The following ATE1 variants were observed in gnomAD, a reference collection of about 807,000 sequenced individuals.
ATE1 encodes the protein arginyl-tRNA--protein transferase 1.
Under a neutral mutation model 70.5 loss-of-function variants are expected in ATE1, and 36 were observed. The ratio of observed to expected loss-of-function variants is 0.51; its 90% CI spans 0.39 to 0.67. The LOEUF is 0.67. ATE1 is among the 30% of genes least tolerant of loss of function. ATE1 has a pLI of 0.00. For synonymous variants in ATE1, 232 were observed against 219.3 expected (o/e 1.06, Z -0.51); for missense variants, 593 against 629.5 (o/e 0.94, Z 0.62).
intron 11 of ATE1, among the ~76,000 whole-genome samples, chr10:121,751,527 C>CT (rs1944579962): frequency 1.3e-5 from 2 of 152,202 alleles, no homozygotes; most frequent in South Asian, 4.1e-4. Flanking sequence ...ATAGCAGTAT[C>CT]TTTTTGTGAT....
intron 11 of ATE1, among the ~76,000 whole-genome samples, chr10:121,773,486 T>C (rs895604039): frequency 2.0e-5 from 3 of 152,226 alleles, no homozygotes; most frequent in African/African-American, 7.2e-5. Flanking sequence ...TAACAGAGTT[T>C]GACACAGAAA....
At chr10:121,926,035 C>T (rs1201548947) in intron 1 of ATE1, among the ~76,000 whole-genome samples, 1 of 152,022 alleles carries the variant, frequency 6.6e-6, no homozygotes, top group East Asian at 1.9e-4. Flanking sequence ...GGTGAAACCC[C>T]GTCTCTACTA....
chr10:121,853,034 T>A (rs1037046273), intron 8 of ATE1, among the ~76,000 whole-genome samples: 22 of 152,274 alleles, frequency 1.4e-4, no homozygotes, highest in South Asian at 8.3e-4. Context: ...CTATTTTCTG[T>A]ATTTTTCAAT....
intron 10 of ATE1, among the ~76,000 whole-genome samples, chr10:121,817,270 G>A (rs1947581568): frequency 6.6e-6 from 1 of 152,252 alleles, no homozygotes; most frequent in Non-Finnish European, 1.5e-5. Context: ...GCCGGGCACA[G>A]CGGCTCACGC....
intron 7 of ATE1, among the ~76,000 whole-genome samples, chr10:121,876,097 CT>C (rs1034979087): frequency 2.0e-5 from 3 of 152,184 alleles, no homozygotes; most frequent in African/African-American, 4.8e-5. Context: ...ATTATTCGCC[CT>C]TTTTTTCCCC....
chr10:121,883,519 A>G (rs1950288099), intron 7 of ATE1, among the ~76,000 whole-genome samples: 1 of 152,230 alleles, frequency 6.6e-6, no homozygotes, highest in African/African-American at 2.4e-5. Flanking sequence ...AGCCCATGGC[A>G]CACTGAAATA....
intron 9 of ATE1, among the ~76,000 whole-genome samples, chr10:121,840,355 G>A (rs1948583658): frequency 6.6e-6 from 1 of 152,118 alleles, no homozygotes; most frequent in Non-Finnish European, 1.5e-5. Flanking sequence ...ATATAAAGCT[G>A]AATGCAGTAG....
At chr10:121,875,803 T>C (rs1186452272) in intron 7 of ATE1, among the ~76,000 whole-genome samples, 1 of 152,218 alleles carries the variant, frequency 6.6e-6, no homozygotes, top group Non-Finnish European at 1.5e-5. Flanking sequence ...CACTGATATA[T>C]TAAAGGCTTT....
At chr10:121,808,648 T>G (rs995474411) in intron 10 of ATE1, among the ~76,000 whole-genome samples, 1 of 152,230 alleles carries the variant, frequency 6.6e-6, no homozygotes, top group African/African-American at 2.4e-5. Context: ...GAATAATTTA[T>G]AGCAAAAGCC....
chr10:121,798,429 AAG>A (rs551802829), intron 10 of ATE1, among the ~76,000 whole-genome samples: 134 of 152,364 alleles, frequency 8.8e-4, no homozygotes, highest in African/African-American at 2.8e-3. Flanking sequence ...CACTTTAAAA[AAG>A]AGAAGGAAAG....
intron 9 of ATE1, among the ~76,000 whole-genome samples, chr10:121,839,918 AT>A (rs1195515816): frequency 1.3e-5 from 2 of 152,218 alleles, no homozygotes; most frequent in Non-Finnish European, 2.9e-5. Context: ...CTGGCAGTAC[AT>A]TTTACTGTGA....
intron 11 of ATE1, among the ~76,000 whole-genome samples, chr10:121,781,247 C>T (rs1590280091): frequency 6.6e-6 from 1 of 152,046 alleles, no homozygotes; most frequent in Non-Finnish European, 1.5e-5. Context: ...TGACTCATGC[C>T]GCAACTATGG....
chr10:121,909,643 G>A (rs749114914), intron 5 of ATE1, among the ~76,000 whole-genome samples: 125 of 152,168 alleles, frequency 8.2e-4, no homozygotes, highest in African/African-American at 1.8e-3. Context: ...TTTGAATAAC[G>A]ATTTTTTAAA....
intron 7 of ATE1, among the ~76,000 whole-genome samples, chr10:121,892,138 A>G (rs1305460725): frequency 6.6e-6 from 1 of 152,148 alleles, no homozygotes; most frequent in Non-Finnish European, 1.5e-5. Context: ...AGCACATCCC[A>G]ATCAGTTTTT....
At chr10:121,810,743 C>T (rs531160583) in intron 10 of ATE1, among the ~76,000 whole-genome samples, 1 of 152,192 alleles carries the variant, frequency 6.6e-6, no homozygotes, top group Admixed American at 6.5e-5. Flanking sequence ...CACTGTGTCG[C>T]CCAGGCTGGA....
intron 10 of ATE1, among the ~76,000 whole-genome samples, chr10:121,794,661 TAAAA>T (rs374044559): frequency 3.0e-5 from 2 of 65,732 alleles, no homozygotes; most frequent in South Asian, 1.4e-3. Context: ...GAATGTCTGG[TAAAA>T]AAAAAAAAAA....
intron 11 of ATE1, among the ~76,000 whole-genome samples, chr10:121,747,051 A>G (rs748717358): frequency 2.6e-5 from 4 of 152,232 alleles, no homozygotes; most frequent in Non-Finnish European, 5.9e-5. Flanking sequence ...GCCAAAAAGA[A>G]GTTCTACACT....
chr10:121,832,183 A>G (rs1948265729), intron 10 of ATE1, among the ~76,000 whole-genome samples: 1 of 152,226 alleles, frequency 6.6e-6, no homozygotes, highest in South Asian at 2.1e-4. Flanking sequence ...ACTGAGTATT[A>G]GATTGCCATT....
At chr10:121,922,235 TA>T (rs1293605647) in intron 3 of ATE1, 113 bp downstream of exon 3, 2 of 717,152 alleles carry the variant, frequency 2.8e-6, no homozygotes, top group Non-Finnish European at 4.7e-6. Context: ...CTTTTCCTTT[TA>T]AAGGACATCT....
Sources: allele counts gnomAD v4.1 joint callset (sites outside exome capture counted in the v4.1 genomes callset), GRCh38; gene constraint gnomAD v4.1.1; transcripts MANE v1.5; gene names NCBI Gene and HGNC (gene_info 2026-07-23, HGNC 2026-07-21).